PTK2: variants seen among roughly 807,000 people sequenced by gnomAD.
PTK2 encodes focal adhesion kinase 1.
A neutral mutation model predicts 150.1 loss-of-function variants in PTK2; 45 were observed. The observed-to-expected ratio is 0.30, with a 90% CI of 0.24 to 0.38. The LOEUF (loss-of-function observed/expected upper bound fraction) is 0.38. PTK2 is among the 10% of genes least tolerant of loss of function. The probability of loss-of-function intolerance (pLI) is 1.00; values close to 1 mark genes in which losing one functional copy is unlikely to be tolerated. For missense variants in PTK2, 919 were observed against 1,307.3 expected, an observed-to-expected ratio of 0.70 and a Z score of 4.58; for synonymous variants, 432 against 449.2, an observed-to-expected ratio of 0.96 and a Z score of 0.48.
chr8:140,974,529 T>C (rs573425001), intron 1 of PTK2, among the ~76,000 whole-genome samples: 2 of 152,322 alleles, frequency 1.3e-5, no homozygotes, highest in South Asian at 4.1e-4. Context: ...AACATTCCAA[T>C]TGCTGGTTGA....
Position 140,981,822 on chromosome 8 carries a change from C to A in PTK2, c.-122+19303G>T, listed in dbSNP as rs115605061. On this transcript the variant is annotated intron_variant, in intron 1 of 31. Transcript: ENST00000522684. ...AGAATGTTTACTGTCTAGCCCTTCACGAAGAAAGTCTGCTAGCCCCTGACC... is the reference window on the plus strand; with the variant it reads ...AGAATGTTTACTGTCTAGCCCTTCAAGAAGAAAGTCTGCTAGCCCCTGACC... Among the ~76,000 whole-genome samples the A allele has an allele frequency of 3.4e-3, 522 of 152,162 alleles. 6 individuals are homozygous for A. The highest frequency in any genetic ancestry group is 0.012 in the African/African-American group (505 of 41,488).
At chr8:140,670,488 AACACAC>A (rs57247522) in intron 29 of PTK2, among the ~76,000 whole-genome samples, 2,715 of 38,944 alleles carry the variant, frequency 0.07, 297 homozygotes, top group Middle Eastern at 0.087. Context: ...AAAAAACAAC[AACACAC>A]ACACACACAC....
intron 16 of PTK2, 33 bp from the exon 20 acceptor site, chr8:140,752,349 A>T (rs1395277388): frequency 6.3e-7 from 1 of 1,583,682 alleles, no homozygotes; most frequent in South Asian, 1.1e-5. Context: ...TCACACACAC[A>T]TGCAAAAAGG....
intron 14 of PTK2, among the ~76,000 whole-genome samples, chr8:140,776,985 C>A (rs565324780): frequency 6.6e-6 from 1 of 152,122 alleles, no homozygotes; most frequent in East Asian, 1.9e-4. Flanking sequence ...AACACTGAAT[C>A]GCAATAACTC....
At chr8:140,833,108 T>C (rs1446048005) in intron 7 of PTK2, 15 of 516,356 alleles carry the variant, frequency 2.9e-5, no homozygotes, top group Non-Finnish European at 4.2e-5. Context: ...AAAGGAAGCA[T>C]ATGTTTTTTG....
At chr8:140,844,889 G>A (rs190402372) in intron 7 of PTK2, among the ~76,000 whole-genome samples, 350 of 152,140 alleles carry the variant, frequency 2.3e-3, no homozygotes, top group African/African-American at 8.1e-3. Flanking sequence ...AACATGCTCC[G>A]AGTAACTTGT....
intron 4 of PTK2, among the ~76,000 whole-genome samples, chr8:140,869,162 T>C (rs1014395759): frequency 8.8e-6 from 1 of 113,968 alleles, no homozygotes; most frequent in African/African-American, 3.4e-5. Flanking sequence ...TTAAATCAGC[T>C]TGGTCAATAA....
chr8:140,919,021 T>C (rs1240217165), intron 2 of PTK2, among the ~76,000 whole-genome samples: 1 of 152,192 alleles, frequency 6.6e-6, no homozygotes, highest in Admixed American at 6.5e-5. Flanking sequence ...GAGAGGAAGT[T>C]TACTAAGATA....
In PTK2 at chr8:140,702,022, G is replaced by A. The variant is rs2100030762; in HGVS notation, c.2367+548C>T. ...TCGCACTTGTAATCCAAGCTGCTCT[G>A]GAGGCTGAGGCGGGAGAATTGCTTG... On this transcript the variant is annotated intron_variant, in intron 25 of 31. Coordinates refer to ENST00000522684, the Ensembl canonical transcript of PTK2. Among the ~76,000 whole-genome samples, 3 of 149,826 alleles carry A rather than the reference G, an allele frequency of 2.0e-5. No homozygotes were observed. In the South Asian group the frequency reaches 6.4e-4, roughly 32 times the overall value.
At chr8:140,690,430 G>A in intron 26 of PTK2, among the ~76,000 whole-genome samples, 1 of 152,134 alleles carries the variant, frequency 6.6e-6, no homozygotes, top group Non-Finnish European at 1.5e-5. Flanking sequence ...CCCAGTTAGA[G>A]CTATAGTCTA....
At chr8:140,862,309 T>G (rs2100136654) in intron 5 of PTK2, among the ~76,000 whole-genome samples, 1 of 152,128 alleles carries the variant, frequency 6.6e-6, no homozygotes, top group Admixed American at 6.5e-5. Context: ...TAAATAAACA[T>G]GAGTTATTTA....
intron 14 of PTK2, among the ~76,000 whole-genome samples, chr8:140,784,123 C>T (rs369974678): frequency 6.6e-6 from 1 of 152,270 alleles, no homozygotes; most frequent in South Asian, 2.1e-4. Context: ...CAAGATCACA[C>T]CACTGCATTC....
rs112981341 is a variant in PTK2, at chr8:140,672,131, A to G, written c.2709+2167T>C. On this transcript the variant is annotated intron_variant, in intron 29 of 31. Coordinates refer to ENST00000522684, the Ensembl canonical transcript of PTK2. ...AAAGTTGGTTTTTCATTGTAATACA[A>G]GCCATTTTGAAAGTCTGTTCTTTTG... The G allele has an allele frequency of 1.1e-3, 508 of 453,998 alleles. 9 individuals are homozygous for G. The highest frequency in any genetic ancestry group is 8.7e-3 in the African/African-American group (434 of 50,014). The allele number at this position is 453,998 out of a possible 1,614,324, so 28.1% of individuals were successfully genotyped here. A position where few individuals can be genotyped will look rare whatever the true frequency, so the allele number is the denominator to read the frequency against.
intron 1 of PTK2, among the ~76,000 whole-genome samples, chr8:140,960,690 G>A (rs374811192): frequency 6.6e-5 from 10 of 152,094 alleles, no homozygotes; most frequent in African/African-American, 2.2e-4. Flanking sequence ...TGTATTTAAC[G>A]TATCATATAG....
At chr8:140,947,685 A>C (rs1386259213) in intron 1 of PTK2, among the ~76,000 whole-genome samples, 1 of 152,146 alleles carries the variant, frequency 6.6e-6, no homozygotes, top group Non-Finnish European at 1.5e-5. Context: ...AGAATTCAAC[A>C]AATATCTAGC....
chr8:140,836,242 T>G (rs1400148566), intron 7 of PTK2, among the ~76,000 whole-genome samples: 1 of 152,214 alleles, frequency 6.6e-6, no homozygotes, highest in African/African-American at 2.4e-5. Context: ...ACGGTAAAAC[T>G]GGTTTCACTT....
chr8:140,818,950 A>G (rs746631635), exon 9 of PTK2: 1 of 1,613,568 alleles, frequency 6.2e-7, no homozygotes, highest in East Asian at 2.2e-5. Flanking sequence ...GAATTTCAGA[A>G]TACTTTCTTC....
At chr8:140,886,116 A>G (rs1224810374) in intron 3 of PTK2, among the ~76,000 whole-genome samples, 2 of 152,232 alleles carry the variant, frequency 1.3e-5, no homozygotes, top group African/African-American at 4.8e-5. Context: ...TAATGTGGAC[A>G]GGATTAGCTA....
rs543911296 is a variant in PTK2 at position 140,961,606 on chromosome 8, G to A, written c.-121-35857C>T. On this transcript the variant is annotated intron_variant, in intron 1 of 31. Coordinates refer to ENST00000522684, the Ensembl canonical transcript of PTK2. ...GAACCTGGGAGGTGGAGGTTGCAGTGAGCCAAGGTCGCGCCACTGGTCTCC... is the reference window on the plus strand; with the variant it reads ...GAACCTGGGAGGTGGAGGTTGCAGTAAGCCAAGGTCGCGCCACTGGTCTCC... 3.8e-4 allele frequency among the ~76,000 whole-genome samples: 57 copies of A among 151,776 alleles called. 1 individual carries two copies. The South Asian group carries it at 6.0e-3, about 16-fold the overall frequency.
Sources: gnomAD v4.1 joint callset for allele counts (sites outside exome capture counted in the v4.1 genomes callset) on GRCh38, gnomAD v4.1.1 for gene constraint, MANE v1.5 for transcripts, NCBI Gene and HGNC (gene_info 2026-07-23, HGNC 2026-07-21) for gene names.